Variants in RAB6A observed in about 807,000 individuals in gnomAD.
RAB6A encodes the protein RAB6A, member RAS oncogene family, also known as ras-related protein Rab-6A.
A neutral mutation model predicts 32.3 loss-of-function variants in RAB6A; 8 were observed. That is an observed-to-expected ratio of 0.25 (90% CI 0.15 to 0.45). RAB6A has a LOEUF of 0.45. RAB6A is among the 20% of genes least tolerant of loss of function. RAB6A has a pLI of 1.00. For missense variants in RAB6A, 104 were observed against 249.4 expected, an observed-to-expected ratio of 0.42 and a Z score of 3.93; for synonymous variants, 73 against 82.1, an observed-to-expected ratio of 0.89 and a Z score of 0.60.
intron 1 of RAB6A, among the ~76,000 whole-genome samples, chr11:73,741,549 C>T (rs1239728221): frequency 6.6e-6 from 1 of 151,554 alleles, no homozygotes; most frequent in Non-Finnish European, 1.5e-5. Flanking sequence ...AAAGGACGTA[C>T]ATGTATGTTT....
intron 1 of RAB6A, among the ~76,000 whole-genome samples, chr11:73,746,179 G>A (rs1946585534): frequency 6.6e-6 from 1 of 150,976 alleles, no homozygotes; most frequent in African/African-American, 2.4e-5. Flanking sequence ...AAAAAAAAAA[G>A]CTGTTGTAAG....
intron 1 of RAB6A, among the ~76,000 whole-genome samples, chr11:73,752,535 G>A (rs757359023): frequency 6.6e-6 from 1 of 152,148 alleles, no homozygotes; most frequent in Non-Finnish European, 1.5e-5. Context: ...AAAATGATAA[G>A]AACTGGCACG....
At chr11:73,748,529 C>A (rs1425437761) in intron 1 of RAB6A, among the ~76,000 whole-genome samples, 1 of 152,008 alleles carries the variant, frequency 6.6e-6, no homozygotes, top group Non-Finnish European at 1.5e-5. Context: ...TAAATAGACA[C>A]ATAAAATAAC....
intron 6 of RAB6A, among the ~76,000 whole-genome samples, chr11:73,692,233 A>G (rs1008471724): frequency 6.6e-6 from 1 of 151,150 alleles, no homozygotes. Context: ...GGCCGGGCGC[A>G]GTGGCTCACG....
intron 1 of RAB6A, among the ~76,000 whole-genome samples, chr11:73,745,300 T>G (rs1431864042): frequency 6.6e-6 from 1 of 152,214 alleles, no homozygotes; most frequent in Non-Finnish European, 1.5e-5. Context: ...CTGAATGAAT[T>G]AATTAACCAA....
At chr11:73,687,337 A>T (rs879891559) in intron 6 of RAB6A, among the ~76,000 whole-genome samples, 5 of 152,254 alleles carry the variant, frequency 3.3e-5, no homozygotes, top group Non-Finnish European at 5.9e-5. Context: ...AATGTACTTT[A>T]AAAAAATCCT....
chr11:73,688,819 A>G (rs1013048382), intron 6 of RAB6A, among the ~76,000 whole-genome samples: 1 of 152,216 alleles, frequency 6.6e-6, no homozygotes, highest in African/African-American at 2.4e-5. Flanking sequence ...AGAGTCTAGC[A>G]ACTTTTAAAG....
intron 5 of RAB6A, among the ~76,000 whole-genome samples, chr11:73,709,882 T>C (rs900882234): frequency 4.1e-5 from 6 of 147,544 alleles, no homozygotes; most frequent in East Asian, 2.0e-4. Context: ...TATACATACA[T>C]ATATACATAT....
intron 6 of RAB6A, chr11:73,704,284 G>A (rs1421356024): frequency 2.1e-5 from 7 of 326,652 alleles, no homozygotes; most frequent in Non-Finnish European, 1.3e-5. Context: ...TCTGGAGGCT[G>A]AGGTGGGAGA....
At chr11:73,720,540 C>G (rs780013388) in intron 3 of RAB6A, among the ~76,000 whole-genome samples, 12 of 152,142 alleles carry the variant, frequency 7.9e-5, no homozygotes, top group Non-Finnish European at 1.5e-4. Context: ...CAAAAAAAAT[C>G]TTGAAGTTCA....
intron 6 of RAB6A, among the ~76,000 whole-genome samples, chr11:73,702,522 G>C (rs1278990370): frequency 6.6e-6 from 1 of 152,036 alleles, no homozygotes; most frequent in Admixed American, 6.6e-5. Context: ...TAGTATACCT[G>C]ATAACTGTAA....
chr11:73,754,304 C>A (rs1590896036), intron 1 of RAB6A, among the ~76,000 whole-genome samples: 1 of 152,226 alleles, frequency 6.6e-6, no homozygotes, highest in Non-Finnish European at 1.5e-5. Context: ...CCTAACCCAG[C>A]AGTTTACAAA....
At chr11:73,746,198 A>T (rs1374128392) in intron 1 of RAB6A, among the ~76,000 whole-genome samples, 1 of 152,016 alleles carries the variant, frequency 6.6e-6, no homozygotes, top group Non-Finnish European at 1.5e-5. Context: ...AGCTAAAGAG[A>T]AAAGAAAAAA....
intron 1 of RAB6A, among the ~76,000 whole-genome samples, chr11:73,746,844 CGCAACCAT>C (rs1231704328): frequency 6.6e-6 from 1 of 151,992 alleles, no homozygotes; most frequent in African/African-American, 2.4e-5. Flanking sequence ...TTACTAACCA[CGCAACCAT>C]GAGACAAGTT....
intron 1 of RAB6A, among the ~76,000 whole-genome samples, chr11:73,760,327 T>C (rs1033107118): frequency 1.3e-5 from 2 of 150,764 alleles, no homozygotes; most frequent in African/African-American, 4.9e-5. Context: ...CGACCGGAGA[T>C]GGCCGGACTG....
rs1393411671 is a variant in RAB6A, at chr11:73,722,367, T to TTTTTTTTTTTTTTTG, written c.130-1469_130-1468insCAAAAAAAAAAAAAA. On this transcript the variant is annotated intron_variant, in intron 2 of 7. Coordinates refer to ENST00000336083, the MANE Select transcript of RAB6A (RefSeq NM_198896.2). ...TATTTTTTTTTTTTTTTTTTTTTTT[T>TTTTTTTTTTTTTTTG]GAGACAGTCTCACACTCTTGCCCAA... The TTTTTTTTTTTTTTTG allele has an allele frequency of 4.9e-5, 4 of 81,784 alleles. 1 individual carries two copies. Among genetic ancestry groups the TTTTTTTTTTTTTTTG allele is most frequent in the African/African-American group, 4.8e-5 (1 of 20,894 alleles). 5.1% of individuals were successfully genotyped at this position (81,784 alleles called of 1,614,324 possible). A position where few individuals can be genotyped will look rare whatever the true frequency, so the allele number is the denominator to read the frequency against.
intron 5 of RAB6A, among the ~76,000 whole-genome samples, chr11:73,714,210 ATAT>A (rs145378026): frequency 0.01 from 462 of 45,052 alleles, 5 homozygotes; most frequent in African/African-American, 0.033. Flanking sequence ...AAAAAAAAAA[ATAT>A]ATATATATAT....
rs187311791 is a variant in RAB6A, at chr11:73,706,893, G to A, written c.495+527C>T. Among the ~76,000 whole-genome samples the A allele has an allele frequency of 2.4e-3, 359 of 152,128 alleles. 1 individual carries two copies. The highest frequency in any genetic ancestry group is 3.8e-3 in the Non-Finnish European group (261 of 68,002). ...AGCACTTTGGGAGGCCAAGGCAGGCGGATCACCTGAGGTCAGGAGTTTGAG... is the reference window on the plus strand; with the variant it reads ...AGCACTTTGGGAGGCCAAGGCAGGCAGATCACCTGAGGTCAGGAGTTTGAG... On this transcript the variant is annotated intron_variant, in intron 6 of 7. Transcript: ENST00000336083.
rs879756681 is a variant in RAB6A, at chr11:73,675,943, CAA to C, written c.*1953_*1954del. 1.3e-4 allele frequency: 21 copies of C among 167,066 alleles called. No individual in the cohort carries two copies. Among genetic ancestry groups the C allele is most frequent in the Non-Finnish European group, 2.1e-4 (14 of 68,104 alleles). 10.3% of individuals were successfully genotyped at this position (167,066 alleles called of 1,614,324 possible). The stretch of plus-strand genomic sequence containing the variant: ...CAGGACATGCCATGTCAAAATAAAA[CAA>C]AGAGTCAACCCTTGCCTTTAACAAT... On this transcript the variant is annotated 3_prime_UTR_variant, in exon 8 of 8. Coordinates refer to ENST00000336083, the MANE Select transcript of RAB6A (RefSeq NM_198896.2).
Sources: gnomAD v4.1 joint callset for allele counts (sites outside exome capture counted in the v4.1 genomes callset) on GRCh38, gnomAD v4.1.1 for gene constraint, MANE v1.5 for transcripts, NCBI Gene and HGNC (gene_info 2026-07-23, HGNC 2026-07-21) for gene names.